Variants in SLC5A4 observed in about 807,000 individuals in gnomAD.
SLC5A4 encodes probable glucose sensor protein SLC5A4.
SLC5A4 carries 55 observed loss-of-function variants against 70.3 expected under a neutral mutation model. The ratio of observed to expected loss-of-function variants is 0.78; its 90% CI spans 0.63 to 0.98. The LOEUF (loss-of-function observed/expected upper bound fraction) is 0.98, where lower values mean the gene tolerates loss of function less well. Among genes scored for constraint, SLC5A4 ranks in the 50% least tolerant of loss-of-function variants. SLC5A4 has a pLI of 0.00. For missense variants in SLC5A4, 735 were observed against 839.2 expected, an observed-to-expected ratio of 0.88 and a Z score of 1.53; for synonymous variants, 268 against 305.7, an observed-to-expected ratio of 0.88 and a Z score of 1.29.
chr22:32,340,331 G>A, the SLC5A4 span, among the ~76,000 whole-genome samples: 2 of 152,196 alleles, frequency 1.3e-5, no homozygotes. Flanking sequence ...CTGTGCACAA[G>A]GCACTGGGCA....
chr22:32,268,622 T>A, the SLC5A4 span: 1 of 152,226 alleles, frequency 6.6e-6, no homozygotes, highest in African/African-American at 2.4e-5. Flanking sequence ...TCAATGGCCC[T>A]GAGAAAGTAG....
the SLC5A4 span, among the ~76,000 whole-genome samples, chr22:32,277,394 A>C: frequency 6.6e-6 from 1 of 152,208 alleles, no homozygotes; most frequent in Non-Finnish European, 1.5e-5. Context: ...TATGGATTAA[A>C]AACTTGTGCA....
At chr22:32,295,062 C>T in the SLC5A4 span, among the ~76,000 whole-genome samples, 1 of 97,860 alleles carries the variant, frequency 1.0e-5, no homozygotes, top group Non-Finnish European at 2.2e-5. Context: ...TCCAGTCTAT[C>T]ATTGTTGGAC....
At chr22:32,338,700 C>A in the SLC5A4 span, among the ~76,000 whole-genome samples, 1 of 152,274 alleles carries the variant, frequency 6.6e-6, no homozygotes, top group South Asian at 2.1e-4. Context: ...AATGGGGGCA[C>A]CCCATACTGG....
intron 4 of SLC5A4, 27 bp downstream of exon 4, chr22:32,248,712 GAACT>G: frequency 6.7e-7 from 1 of 1,485,004 alleles, no homozygotes; most frequent in East Asian, 2.3e-5. Context: ...GCCTAGAACT[GAACT>G]CTGGCATTTT....
chr22:32,234,559 C>T (rs541291373), intron 8 of SLC5A4, among the ~76,000 whole-genome samples: 6 of 152,074 alleles, frequency 3.9e-5, no homozygotes, highest in East Asian at 3.9e-4. Context: ...ATTAGCTGGG[C>T]GTGGTGGTGC....
intron 4 of SLC5A4, 129 bp from the exon 5 acceptor site, chr22:32,247,644 G>A: frequency 1.5e-6 from 1 of 673,166 alleles, no homozygotes; most frequent in Non-Finnish European, 2.7e-6. Flanking sequence ...ATGGAACCAT[G>A]GCTTCTTACT....
At chr22:32,282,184 G>A in the SLC5A4 span, among the ~76,000 whole-genome samples, 1 of 152,084 alleles carries the variant, frequency 6.6e-6, no homozygotes, top group Non-Finnish European at 1.5e-5. Context: ...AAAGCTCTTT[G>A]TAGGAGCGAA....
chr22:32,346,598 T>C, the SLC5A4 span, among the ~76,000 whole-genome samples: 1 of 138,696 alleles, frequency 7.2e-6, no homozygotes, highest in Non-Finnish European at 1.5e-5. Context: ...AAACAAGCAA[T>C]GGGGAAAGGA....
intron 11 of SLC5A4, among the ~76,000 whole-genome samples, chr22:32,227,039 A>G (rs1039009436): frequency 2.0e-5 from 3 of 152,044 alleles, no homozygotes; most frequent in Non-Finnish European, 4.4e-5. Flanking sequence ...GGTTACTTCC[A>G]TCCTTTCTTC....
the SLC5A4 span, among the ~76,000 whole-genome samples, chr22:32,299,294 A>G: frequency 2.6e-5 from 4 of 151,308 alleles, no homozygotes; most frequent in Non-Finnish European, 4.4e-5. Context: ...AGGTAAACCA[A>G]TCAGACGTAA....
At chr22:32,305,955 G>A in the SLC5A4 span, among the ~76,000 whole-genome samples, 1 of 151,906 alleles carries the variant, frequency 6.6e-6, no homozygotes, top group Non-Finnish European at 1.5e-5. Context: ...CCTGCCATTG[G>A]CATTGAGTGT....
intron 8 of SLC5A4, 24 bp downstream of exon 8, chr22:32,234,849 G>C (rs1164542654): frequency 1.3e-5 from 20 of 1,498,316 alleles, no homozygotes; most frequent in Non-Finnish European, 1.5e-5. Context: ...CAGACAGACA[G>C]ACACACATAT....
chr22:32,322,398 A>G, the SLC5A4 span, among the ~76,000 whole-genome samples: 1 of 152,070 alleles, frequency 6.6e-6, no homozygotes, highest in African/African-American at 2.4e-5. Flanking sequence ...GACCAGCTCA[A>G]ACATGGTGAA....
At chr22:32,264,930 T>G in the SLC5A4 span, among the ~76,000 whole-genome samples, 1 of 152,230 alleles carries the variant, frequency 6.6e-6, no homozygotes, top group African/African-American at 2.4e-5. Context: ...TTTCTTTCTT[T>G]TTTTCATCTC....
At chr22:32,221,852 G>C (rs1460621750) in intron 13 of SLC5A4, among the ~76,000 whole-genome samples, 2 of 152,146 alleles carry the variant, frequency 1.3e-5, no homozygotes, top group Non-Finnish European at 2.9e-5. Flanking sequence ...CTGGGCTCAA[G>C]CAATTCTCCT....
At chr22:32,270,661 C>T in the SLC5A4 span, 1 of 716,012 alleles carries the variant, frequency 1.4e-6, no homozygotes, top group Non-Finnish European at 2.6e-6. Context: ...CTACATTGTC[C>T]AAGTGTCGCT....
chr22:32,347,710 TG>T, the SLC5A4 span, among the ~76,000 whole-genome samples: 1 of 38,198 alleles, frequency 2.6e-5, no homozygotes, highest in African/African-American at 1.1e-4. Flanking sequence ...TGTTGTGGGG[TG>T]GGGGGAGGGG....
Position 32,235,069 on chromosome 22 carries a change from T to A in SLC5A4, c.689A>T (p.Glu230Val), listed in dbSNP as rs765975700. The A allele has an allele frequency of 1.9e-6, 3 of 1,613,638 alleles. No individual in the cohort carries two copies. Among genetic ancestry groups the A allele is most frequent in the Non-Finnish European group, 2.5e-6 (3 of 1,179,818 alleles). Residue 230 changes from glutamate (E) to valine (V), a missense_variant, in exon 8 of 15, where the codon GAG (glutamate) becomes GTG (valine). Transcript: ENST00000266086. ...GFAFNEVGGY[E>V]SFTEKYVNAT... The stretch of plus-strand genomic sequence containing the variant: ...ATTCACGTACTTCTCGGTAAAGCTC[T>A]CATAACCTCCAACTTCGTTAAATGC...
Sources: gnomAD v4.1 joint callset for allele counts (sites outside exome capture counted in the v4.1 genomes callset) on GRCh38, gnomAD v4.1.1 for gene constraint, MANE v1.5 for transcripts, NCBI Gene and HGNC (gene_info 2026-07-23, HGNC 2026-07-21) for gene names.